CDK7: variants seen among roughly 807,000 people sequenced by gnomAD.
The protein encoded by CDK7 is cyclin-dependent kinase 7.
In CDK7, 25 loss-of-function variants were observed where a neutral mutation model predicts 49.1. That is an observed-to-expected ratio of 0.51 (90% CI 0.37 to 0.71). CDK7 has a LOEUF of 0.71. Among genes scored for constraint, CDK7 ranks in the 30% least tolerant of loss-of-function variants. The pLI is 0.00. For missense variants in CDK7, 316 were observed against 411.7 expected (o/e 0.77, Z 2.01); for synonymous variants, 107 against 140.0 (o/e 0.76, Z 1.67).
intron 9 of CDK7, among the ~76,000 whole-genome samples, chr5:69,270,272 T>TA (rs1054927711): frequency 1.3e-5 from 2 of 151,794 alleles, no homozygotes; most frequent in African/African-American, 2.4e-5. Context: ...TTCGTGTCTA[T>TA]AAAAAACAAA....
At chr5:69,236,630 ATTTT>A (rs1405139613) in intron 2 of CDK7, among the ~76,000 whole-genome samples, 1 of 151,494 alleles carries the variant, frequency 6.6e-6, no homozygotes, top group Non-Finnish European at 1.5e-5. Flanking sequence ...TCCTGCCATA[ATTTT>A]TTTATTTTTT....
intron 5 of CDK7, 122 bp from the exon 6 acceptor site, chr5:69,257,921 G>A: frequency 3.1e-6 from 2 of 647,324 alleles, no homozygotes; most frequent in South Asian, 1.9e-5. Context: ...AGGAAACTTA[G>A]ATAACCTCTT....
At chr5:69,255,760 T>C in intron 5 of CDK7, 1 of 529,722 alleles carries the variant, frequency 1.9e-6, no homozygotes. Context: ...TTCTGCCTTC[T>C]AAGTTCCCAT....
At chr5:69,239,993 T>G (rs916276636) in intron 2 of CDK7, among the ~76,000 whole-genome samples, 2 of 151,958 alleles carry the variant, frequency 1.3e-5, no homozygotes, top group African/African-American at 4.8e-5. Flanking sequence ...ATTACAGGCA[T>G]GAGACACTGT....
At chr5:69,266,792 A>G (rs1485955759) in intron 8 of CDK7, among the ~76,000 whole-genome samples, 1 of 152,144 alleles carries the variant, frequency 6.6e-6, no homozygotes, top group Non-Finnish European at 1.5e-5. Flanking sequence ...TAGCTTTTAT[A>G]TAAACCAAGT....
At chr5:69,271,164 T>G (rs1458205414) in intron 9 of CDK7, among the ~76,000 whole-genome samples, 1 of 152,244 alleles carries the variant, frequency 6.6e-6, no homozygotes, top group African/African-American at 2.4e-5. Flanking sequence ...GGCATTCTAA[T>G]GAGTGTGTCA....
At chr5:69,262,829 T>C (rs1352425027) in intron 8 of CDK7, among the ~76,000 whole-genome samples, 1 of 152,176 alleles carries the variant, frequency 6.6e-6, no homozygotes, top group Non-Finnish European at 1.5e-5. Flanking sequence ...CAATAAGAAC[T>C]TTACTGTAGA....
At chr5:69,253,331 C>T (rs1290682840) in intron 3 of CDK7, among the ~76,000 whole-genome samples, 1 of 152,116 alleles carries the variant, frequency 6.6e-6, no homozygotes, top group Non-Finnish European at 1.5e-5. Context: ...GTATCGCAAT[C>T]TCGGCTCACT....
intron 7 of CDK7, among the ~76,000 whole-genome samples, chr5:69,260,566 A>T (rs1027179968): frequency 3.3e-5 from 5 of 152,122 alleles, no homozygotes; most frequent in Non-Finnish European, 5.9e-5. Flanking sequence ...GATTTATTGG[A>T]CCCATTTTTA....
intron 10 of CDK7, 86 bp downstream of exon 10, chr5:69,273,127 A>G: frequency 1.0e-6 from 1 of 973,704 alleles, no homozygotes; most frequent in Non-Finnish European, 1.4e-6. Context: ...CATAAAATTA[A>G]CATTTTTTAA....
intron 2 of CDK7, among the ~76,000 whole-genome samples, chr5:69,245,579 G>T (rs564686596): frequency 1.3e-5 from 2 of 152,036 alleles, no homozygotes; most frequent in African/African-American, 4.8e-5. Context: ...GACCTCAAGT[G>T]ATCGGCCTGC....
intron 2 of CDK7, among the ~76,000 whole-genome samples, chr5:69,247,455 G>A (rs989761429): frequency 6.7e-6 from 1 of 149,588 alleles, no homozygotes; most frequent in African/African-American, 2.4e-5. Context: ...CTTTCAGTCT[G>A]TGTGTGTCTG....
chr5:69,238,265 T>C (rs943966954), intron 2 of CDK7, among the ~76,000 whole-genome samples: 2 of 150,030 alleles, frequency 1.3e-5, no homozygotes, highest in Non-Finnish European at 2.9e-5. Flanking sequence ...CAATATATAG[T>C]ATTGCATACT....
chr5:69,250,327 A>C (rs6450026), intron 2 of CDK7, among the ~76,000 whole-genome samples: 95,425 of 152,164 alleles, frequency 0.63, 30,719 homozygotes, highest in African/African-American at 0.77. Context: ...TGTAGTTCTT[A>C]TAGACTTATA....
chr5:69,248,802 C>CTTTTTTTTTTTTTTTTTTTTTTTTT (rs70992911), intron 2 of CDK7, among the ~76,000 whole-genome samples: 1 of 92,274 alleles, frequency 1.1e-5, no homozygotes. Context: ...TTTTTTTTTT[C>CTTTTTTTTTTTTTTTTTTTTTTTTT]TTTTTTTTTT....
intron 8 of CDK7, among the ~76,000 whole-genome samples, chr5:69,265,526 T>G (rs1013622280): frequency 2.0e-5 from 3 of 152,174 alleles, no homozygotes; most frequent in African/African-American, 7.2e-5. Context: ...AGTGTTCACA[T>G]TGTGAGGGAA....
chr5:69,270,796 A>G (rs1378544105), intron 9 of CDK7, among the ~76,000 whole-genome samples: 1 of 152,196 alleles, frequency 6.6e-6, no homozygotes, highest in Non-Finnish European at 1.5e-5. Flanking sequence ...TTGCATGTTA[A>G]TAATTCATTC....
At chr5:69,259,004 A>C (rs1401276237) in intron 6 of CDK7, among the ~76,000 whole-genome samples, 1 of 151,438 alleles carries the variant, frequency 6.6e-6, no homozygotes, top group Non-Finnish European at 1.5e-5. Context: ...TGAGCCCAGG[A>C]GGTGGGGGTT....
rs1448070195 is a variant in CDK7, at chr5:69,255,489, T to C, written c.258T>C (p.Asn86=). 1 of 1,587,654 alleles carries C rather than the reference T, an allele frequency of 6.3e-7. No individual in the cohort carries two copies. Among genetic ancestry groups the C allele is most frequent in the Non-Finnish European group, 8.6e-7 (1 of 1,166,138 alleles). Residue 86 remains asparagine (N), a synonymous_variant, in exon 5 of 12, where the codon AAT becomes AAC. Transcript: ENST00000256443. ...GLLDAFGHKS[N]ISLVFDFMET... is the part of the protein sequence containing the mutation. Reference sequence around the variant, plus strand: ...TTGATGCTTTTGGACATAAATCTAATATTAGCCTTGTCTTTGATTTTATGG... The same window carrying C: ...TTGATGCTTTTGGACATAAATCTAACATTAGCCTTGTCTTTGATTTTATGG...
Sources: gnomAD v4.1 joint callset for allele counts (sites outside exome capture counted in the v4.1 genomes callset) on GRCh38, gnomAD v4.1.1 for gene constraint, MANE v1.5 for transcripts, NCBI Gene and HGNC (gene_info 2026-07-23, HGNC 2026-07-21) for gene names.